Variants in SLC30A6 observed in about 807,000 individuals in gnomAD.
SLC30A6 encodes zinc transporter 6.
A neutral mutation model predicts 63.0 loss-of-function variants in SLC30A6; 55 were observed. The observed-to-expected ratio is 0.87, with a 90% CI of 0.70 to 1.09. The LOEUF (loss-of-function observed/expected upper bound fraction) is 1.09. Ranked by LOEUF, SLC30A6 falls within the 50% of genes least tolerant of loss-of-function variation. The pLI, the probability that SLC30A6 is intolerant of heterozygous loss-of-function variation, is 0.00. For missense variants in SLC30A6, 587 were observed against 549.2 expected, an observed-to-expected ratio of 1.07 and a Z score of -0.69; for synonymous variants, 224 against 186.1, an observed-to-expected ratio of 1.20 and a Z score of -1.66.
chr2:32,167,169 G>A (rs111886536), intron 1 of SLC30A6, among the ~76,000 whole-genome samples: 7 of 151,874 alleles, frequency 4.6e-5, no homozygotes, highest in African/African-American at 1.5e-4. Context: ...TCCGCCTCCC[G>A]GGTTCAAGCG....
intron 10 of SLC30A6, among the ~76,000 whole-genome samples, chr2:32,198,158 T>A (rs1464859028): frequency 1.3e-5 from 2 of 152,144 alleles, no homozygotes; most frequent in African/African-American, 4.8e-5. Flanking sequence ...GACGTAGGCG[T>A]GAAACAATTT....
chr2:32,200,133 A>G (rs906053952), intron 10 of SLC30A6, among the ~76,000 whole-genome samples: 4 of 151,958 alleles, frequency 2.6e-5, no homozygotes, highest in African/African-American at 9.7e-5. Flanking sequence ...ATATAAACAT[A>G]TATATATGTT....
chr2:32,209,367 T>C, intron 12 of SLC30A6, 126 bp from the exon 13 acceptor site: 1 of 666,236 alleles, frequency 1.5e-6, no homozygotes, highest in Non-Finnish European at 2.6e-6. Flanking sequence ...TTCTCTTAGC[T>C]AATGAGTGTC....
In SLC30A6 at chr2:32,220,742, ATTGACTCC is replaced by A; in HGVS notation, c.*33_*40del. 6.3e-7 allele frequency: 1 copy of A among 1,575,542 alleles called. No individual in the cohort carries two copies. The highest frequency in any genetic ancestry group is 8.6e-7 in the Non-Finnish European group (1 of 1,160,010). On this transcript the variant is annotated 3_prime_UTR_variant, in exon 14 of 14. Transcript: ENST00000282587. ...ACTCTAACTTATTTTTATAAGGAAT[ATTGACTCC>A]TTGGCTTCCAATTTATTTAGTAATC... is the stretch of plus-strand genomic sequence containing the variant.
intron 1 of SLC30A6, among the ~76,000 whole-genome samples, chr2:32,169,564 G>A (rs1681000921): frequency 6.6e-6 from 1 of 152,204 alleles, no homozygotes; most frequent in Admixed American, 6.5e-5. Flanking sequence ...GGATCACGAG[G>A]TCAGGAGATC....
chr2:32,187,892 A>C (rs548147526), intron 5 of SLC30A6, among the ~76,000 whole-genome samples: 1 of 152,138 alleles, frequency 6.6e-6, no homozygotes, highest in Admixed American at 6.5e-5. Flanking sequence ...CCCCAATCCC[A>C]TTTCTGTCTC....
intron 1 of SLC30A6, among the ~76,000 whole-genome samples, chr2:32,168,356 T>A (rs1200011941): frequency 6.6e-6 from 1 of 150,640 alleles, no homozygotes; most frequent in African/African-American, 2.4e-5. Context: ...AAATAAAATA[T>A]TGAGAAAAAG....
At position 32,220,366 on chromosome 2, in the gene SLC30A6, G is replaced by A. The variant is rs779865499; in HGVS notation, c.1039G>A (p.Ala347Thr). 1.2e-6 allele frequency: 2 copies of A among 1,614,166 alleles called. No homozygotes were observed. The highest frequency in any genetic ancestry group is 2.2e-5 in the East Asian group (1 of 44,876). ...IRPALLSGPV[A>T]ANVLNFSDHH... ...GCCTGCCTTATTGTCTGGGCCTGTT[G>A]CAGCCAATGTCCTAAACTTTTCAGA... The change falls in exon 14 of 14, where the codon GCA (alanine) becomes ACA (threonine). Residue 347 changes from alanine (A) to threonine (T), a missense_variant. Transcript: ENST00000282587.
intron 1 of SLC30A6, among the ~76,000 whole-genome samples, chr2:32,169,557 T>C (rs558196718): frequency 1.6e-3 from 247 of 152,272 alleles, no homozygotes; most frequent in African/African-American, 5.4e-3. Flanking sequence ...GGCGGGCGGA[T>C]CACGAGGTCA....
intron 8 of SLC30A6, among the ~76,000 whole-genome samples, chr2:32,195,059 T>G (rs1683658035): frequency 6.6e-6 from 1 of 151,914 alleles, no homozygotes; most frequent in Non-Finnish European, 1.5e-5. Context: ...TAATTTTATG[T>G]GCTTACTTAG....
intron 13 of SLC30A6, among the ~76,000 whole-genome samples, chr2:32,212,597 T>C (rs1685345599): frequency 7.4e-6 from 1 of 135,892 alleles, no homozygotes; most frequent in Non-Finnish European, 1.6e-5. Context: ...TTTTTTTTTT[T>C]TTTTTTTTTT....
chr2:32,166,611 G>A (rs1044013398), intron 1 of SLC30A6, among the ~76,000 whole-genome samples: 6 of 152,208 alleles, frequency 3.9e-5, no homozygotes, highest in Non-Finnish European at 8.8e-5. Context: ...TAAGCAGTTG[G>A]TTGGGATTTG....
chr2:32,214,995 C>T (rs1428503124), intron 13 of SLC30A6, among the ~76,000 whole-genome samples: 3 of 152,170 alleles, frequency 2.0e-5, no homozygotes, highest in South Asian at 2.1e-4. Context: ...TAGATATTTT[C>T]TCTGTCTCAT....
At chr2:32,198,414 G>A (rs770342593) in intron 10 of SLC30A6, among the ~76,000 whole-genome samples, 38 of 152,218 alleles carry the variant, frequency 2.5e-4, no homozygotes, top group Non-Finnish European at 4.3e-4. Flanking sequence ...TCCAAAAGGC[G>A]TATCTTCCTG....
chr2:32,171,218 T>C (rs1681171320), intron 1 of SLC30A6, 69 bp from the exon 2 acceptor site: 2 of 1,289,342 alleles, frequency 1.6e-6, no homozygotes, highest in Admixed American at 1.7e-5. Context: ...GGAACCACTA[T>C]ATCATATCAT....
chr2:32,202,689 G>C (rs536106801), intron 10 of SLC30A6: 1 of 659,230 alleles, frequency 1.5e-6, no homozygotes, highest in East Asian at 2.9e-5. Flanking sequence ...TCAAATGTTA[G>C]AGTTAGGTTT....
chr2:32,167,372 G>T (rs1680774522), intron 1 of SLC30A6, among the ~76,000 whole-genome samples: 1 of 146,588 alleles, frequency 6.8e-6, no homozygotes, highest in African/African-American at 2.5e-5. Context: ...ACCGTGCCAG[G>T]CCACAAACTC....
rs1156664426 is a variant in SLC30A6 at position 32,220,884 on chromosome 2, A to G, written c.*171A>G. On this transcript the variant is annotated 3_prime_UTR_variant, in exon 14 of 14. Transcript: ENST00000282587. ...TATATTTTTGTAAAATGTATTTGTG[A>G]CAGTGAAATCCTCGTAAATGTTAAA... 19 of 626,956 alleles carry G rather than the reference A, an allele frequency of 3.0e-5. No individual in the cohort carries two copies. Among genetic ancestry groups the G allele is most frequent in the Non-Finnish European group, 5.0e-5 (19 of 378,436 alleles). 38.8% of individuals were successfully genotyped at this position (626,956 alleles called of 1,614,324 possible).
intron 8 of SLC30A6, among the ~76,000 whole-genome samples, chr2:32,196,837 G>A (rs528985227): frequency 1.3e-5 from 2 of 152,110 alleles, no homozygotes; most frequent in South Asian, 4.1e-4. Context: ...GAGGCAGGTG[G>A]ATCACCTGAG....
Sources: gnomAD v4.1 joint callset for allele counts (sites outside exome capture counted in the v4.1 genomes callset) on GRCh38, gnomAD v4.1.1 for gene constraint, MANE v1.5 for transcripts, NCBI Gene and HGNC (gene_info 2026-07-23, HGNC 2026-07-21) for gene names.